PLCXD3: variants seen among roughly 807,000 people sequenced by gnomAD.
The protein encoded by PLCXD3 is phosphatidylinositol specific phospholipase C X domain containing 3.
Under a neutral mutation model 25.5 loss-of-function variants are expected in PLCXD3, and 19 were observed. That is an observed-to-expected ratio of 0.75 (90% CI 0.52 to 1.09). The LOEUF (loss-of-function observed/expected upper bound fraction) is 1.09. Among genes scored for constraint, PLCXD3 ranks in the 50% least tolerant of loss-of-function variants. The pLI, the probability that PLCXD3 is intolerant of heterozygous loss-of-function variation, is 0.00. For missense variants in PLCXD3, 411 were observed against 388.1 expected, an observed-to-expected ratio of 1.06 and a Z score of -0.50; for synonymous variants, 174 against 137.6, an observed-to-expected ratio of 1.26 and a Z score of -1.85.
intron 2 of PLCXD3, among the ~76,000 whole-genome samples, chr5:41,366,215 TAGCTATACAAA>T (rs1225984519): frequency 6.6e-6 from 1 of 152,112 alleles, no homozygotes; most frequent in Non-Finnish European, 1.5e-5. Context: ...AGAAGAGTCA[TAGCTATACAAA>T]AGCCCCCCAA....
intron 2 of PLCXD3, among the ~76,000 whole-genome samples, chr5:41,324,391 C>G (rs1447928688): frequency 6.6e-6 from 1 of 152,132 alleles, no homozygotes; most frequent in East Asian, 1.9e-4. Context: ...CGGCTAGTAC[C>G]TTAAAAATCC....
intron 1 of PLCXD3, among the ~76,000 whole-genome samples, chr5:41,466,646 T>C (rs1748023481): frequency 6.6e-6 from 1 of 152,082 alleles, no homozygotes; most frequent in Non-Finnish European, 1.5e-5. Context: ...TCTATTTTTC[T>C]TGTCTATCTA....
At chr5:41,381,339 C>A (rs574526651) in intron 2 of PLCXD3, among the ~76,000 whole-genome samples, 4 of 152,238 alleles carry the variant, frequency 2.6e-5, no homozygotes, top group South Asian at 2.1e-4. Flanking sequence ...AAAGTCCTAA[C>A]CCCTGCTACA....
chr5:41,475,702 C>A (rs749727286), intron 1 of PLCXD3: 2 of 534,786 alleles, frequency 3.7e-6, no homozygotes, highest in Non-Finnish European at 7.7e-6. Flanking sequence ...GAGACCATCA[C>A]TACGACAGTT....
chr5:41,450,809 A>C (rs1747611897), intron 1 of PLCXD3, among the ~76,000 whole-genome samples: 1 of 152,092 alleles, frequency 6.6e-6, no homozygotes, highest in Admixed American at 6.6e-5. Context: ...TCTCCTCTAC[A>C]TTCAAGGGAT....
intron 2 of PLCXD3, among the ~76,000 whole-genome samples, chr5:41,339,439 G>T (rs897833178): frequency 2.0e-5 from 3 of 151,088 alleles, no homozygotes; most frequent in African/African-American, 7.4e-5. Flanking sequence ...TGGATACAGA[G>T]AAATCATACT....
chr5:41,431,674 T>G (rs992924268), intron 1 of PLCXD3, among the ~76,000 whole-genome samples: 2 of 152,240 alleles, frequency 1.3e-5, no homozygotes, highest in Non-Finnish European at 2.9e-5. Context: ...TTTATTTGAT[T>G]GTTTTCAGAT....
intron 2 of PLCXD3, among the ~76,000 whole-genome samples, chr5:41,333,176 G>A (rs199791694): frequency 5.9e-5 from 9 of 151,868 alleles, no homozygotes; most frequent in Admixed American, 2.6e-4. Context: ...GTGACTGCCC[G>A]TCCCAACCCA....
At chr5:41,353,725 C>T (rs1744539123) in intron 2 of PLCXD3, among the ~76,000 whole-genome samples, 1 of 152,110 alleles carries the variant, frequency 6.6e-6, no homozygotes, top group African/African-American at 2.4e-5. Flanking sequence ...TGAAATCACT[C>T]ACTGGGGAAG....
At chr5:41,317,006 A>T (rs886191167) in intron 2 of PLCXD3, among the ~76,000 whole-genome samples, 1 of 152,186 alleles carries the variant, frequency 6.6e-6, no homozygotes, top group Non-Finnish European at 1.5e-5. Context: ...GGCCTTGAGA[A>T]ACCATACACA....
Position 41,311,552 on chromosome 5 carries a change from T to G in PLCXD3, c.*2065A>C, listed in dbSNP as rs1743136883. On this transcript the variant is annotated 3_prime_UTR_variant, in exon 3 of 3. Coordinates refer to ENST00000377801, the MANE Select transcript of PLCXD3 (RefSeq NM_001005473.3). ...ATATCTGTGTGTGTTTCTGTATGTT[T>G]GAATTTGTATGCTATCACAGGAATG... is the stretch of plus-strand genomic sequence containing the variant. 1 of 152,174 alleles carries G rather than the reference T, an allele frequency of 6.6e-6. No homozygotes were observed. Among genetic ancestry groups the G allele is most frequent in the Non-Finnish European group, 1.5e-5 (1 of 68,012 alleles). 9.4% of individuals were successfully genotyped at this position (152,174 alleles called of 1,614,324 possible).
chr5:41,495,983 A>G (rs1429863816), intron 1 of PLCXD3, among the ~76,000 whole-genome samples: 1 of 152,202 alleles, frequency 6.6e-6, no homozygotes, highest in African/African-American at 2.4e-5. Context: ...TTAGTTCAGG[A>G]CAACAATATA....
intron 1 of PLCXD3, among the ~76,000 whole-genome samples, chr5:41,491,861 A>G (rs1191183350): frequency 7.2e-5 from 11 of 152,168 alleles, no homozygotes; most frequent in Non-Finnish European, 1.5e-4. Flanking sequence ...TGAATACAGC[A>G]CACTGATGGG....
At chr5:41,460,610 G>A (rs1054033433) in intron 1 of PLCXD3, among the ~76,000 whole-genome samples, 5 of 151,964 alleles carry the variant, frequency 3.3e-5, no homozygotes, top group African/African-American at 1.2e-4. Context: ...AGGAAATTAA[G>A]TGTGTTTGCA....
chr5:41,344,640 G>T (rs1267492190), intron 2 of PLCXD3, among the ~76,000 whole-genome samples: 2 of 151,938 alleles, frequency 1.3e-5, no homozygotes, highest in African/African-American at 4.8e-5. Context: ...GTTAACAGAA[G>T]ATCATTTATG....
intron 1 of PLCXD3, among the ~76,000 whole-genome samples, chr5:41,388,939 G>A (rs1745724874): frequency 6.6e-6 from 1 of 151,130 alleles, no homozygotes; most frequent in Admixed American, 6.6e-5. Context: ...TATTTCATTA[G>A]TATAGTAATG....
At chr5:41,472,658 A>G (rs1009527185) in intron 1 of PLCXD3, among the ~76,000 whole-genome samples, 1 of 152,212 alleles carries the variant, frequency 6.6e-6, no homozygotes, top group Non-Finnish European at 1.5e-5. Context: ...ATGTTGTTCT[A>G]TTTCAGAGAT....
chr5:41,388,701 C>T (rs1162002210), intron 1 of PLCXD3, among the ~76,000 whole-genome samples: 1 of 151,950 alleles, frequency 6.6e-6, no homozygotes, highest in Non-Finnish European at 1.5e-5. Flanking sequence ...GACACCTATA[C>T]TTTTATTATG....
chr5:41,351,234 A>G lies in PLCXD3; in HGVS notation c.812+30592T>C, dbSNP rs529059591. On this transcript the variant is annotated intron_variant, in intron 2 of 2. Coordinates refer to ENST00000377801, the MANE Select transcript of PLCXD3 (RefSeq NM_001005473.3). ...TCCTAGCTCACTAGGTCCCTCTGAC[A>G]TGTGCTTTCATCATGCCACACACCT... 3.2e-4 allele frequency among the ~76,000 whole-genome samples: 49 copies of G among 152,240 alleles called. 1 individual carries two copies. The South Asian group carries it at 3.5e-3, about 11-fold the overall frequency.
Sources: allele counts gnomAD v4.1 joint callset (sites outside exome capture counted in the v4.1 genomes callset), GRCh38; gene constraint gnomAD v4.1.1; transcripts MANE v1.5; gene names NCBI Gene and HGNC (gene_info 2026-07-23, HGNC 2026-07-21).